Variants in KDR observed in about 807,000 individuals in gnomAD.
The protein encoded by KDR is kinase insert domain receptor.
A neutral mutation model predicts 160.9 loss-of-function variants in KDR; 43 were observed. The ratio of observed to expected loss-of-function variants is 0.27; its 90% CI spans 0.21 to 0.34. The LOEUF (loss-of-function observed/expected upper bound fraction) is 0.34. KDR is among the 10% of genes least tolerant of loss of function. KDR has a pLI of 1.00. For synonymous variants in KDR, 617 were observed against 600.1 expected, an observed-to-expected ratio of 1.03 and a Z score of -0.41; for missense variants, 1,469 against 1,666.4, an observed-to-expected ratio of 0.88 and a Z score of 2.06.
Position 55,110,396 on chromosome 4 carries a change from G to C in KDR, c.1255+7C>G, listed in dbSNP as rs750275388. Reference sequence around the variant, plus strand: ...CTTGGGCAGAGAGGAAAATTGAATGGACTCACCATACACAACCAGAGAGAC... The same window carrying C: ...CTTGGGCAGAGAGGAAAATTGAATGCACTCACCATACACAACCAGAGAGAC... On this transcript the variant is annotated splice_region_variant and intron_variant, in intron 9 of 29. Transcript: ENST00000263923. 6.8e-6 allele frequency: 11 copies of C among 1,613,488 alleles called. No individual in the cohort carries two copies. The highest frequency in any genetic ancestry group is 6.7e-5 in the East Asian group (3 of 44,868).
At chr4:55,122,431 A>G (rs1349293517) in intron 1 of KDR, among the ~76,000 whole-genome samples, 1 of 152,252 alleles carries the variant, frequency 6.6e-6, no homozygotes. Context: ...CTAAACTGGC[A>G]TTGACCTTGC....
At chr4:55,111,162 C>T (rs1560521655) in intron 7 of KDR, among the ~76,000 whole-genome samples, 2 of 152,198 alleles carry the variant, frequency 1.3e-5, no homozygotes, top group African/African-American at 4.8e-5. Context: ...CTCAGACCTC[C>T]TCTTTATTTA....
chr4:55,108,242 G>C (rs1345875036), intron 9 of KDR, among the ~76,000 whole-genome samples: 2 of 149,860 alleles, frequency 1.3e-5, no homozygotes, highest in Non-Finnish European at 3.0e-5. Flanking sequence ...AAATAAAAAT[G>C]ACAATAAGCT....
intron 15 of KDR, among the ~76,000 whole-genome samples, chr4:55,100,566 CAG>C (rs1720283854): frequency 6.6e-6 from 1 of 152,170 alleles, no homozygotes. Context: ...TGCAGAGCAT[CAG>C]AGACAATCTA....
In KDR at chr4:55,079,226, A is replaced by G. The variant is rs935658569; in HGVS notation, c.*715T>C. ...CCTTCCTGGGGCTTGGCCAGGAGAC[A>G]CGTAACGGTCTGGAAGGAACTCTCA... On this transcript the variant is annotated 3_prime_UTR_variant, in exon 30 of 30. Coordinates refer to ENST00000263923, the MANE Select transcript of KDR (RefSeq NM_002253.4). The G allele has an allele frequency of 8.6e-6, 2 of 233,370 alleles. No individual in the cohort carries two copies. The highest frequency in any genetic ancestry group is 4.4e-5 in the African/African-American group (2 of 45,322). 14.5% of individuals were successfully genotyped at this position (233,370 alleles called of 1,614,324 possible).
rs1720405736 is a variant in KDR at position 55,104,936 on chromosome 4, T to C, written c.1694A>G (p.Glu565Gly). ...TGCAGTGCACCACAAAGACACGCTC[T>C]CCTGCTCAGTGGGCTGCATGTCAGG... ...LQPDMQPTEQ[E>G]SVSLWCTADR... Residue 565 changes from glutamate to glycine, a missense_variant, in exon 13 of 30, where the codon GAG becomes GGG. Coordinates refer to ENST00000263923, the MANE Select transcript of KDR (RefSeq NM_002253.4). 4 of 1,613,880 alleles carry C rather than the reference T, an allele frequency of 2.5e-6. No homozygotes were observed. In the East Asian group the frequency reaches 8.9e-5, roughly 36 times the overall value.
chr4:55,125,386 C>T lies in KDR; in HGVS notation c.-93G>A. 6.9e-7 allele frequency: 1 copy of T among 1,442,250 alleles called. No homozygotes were observed. Among genetic ancestry groups the T allele is most frequent in the Non-Finnish European group, 9.5e-7 (1 of 1,058,076 alleles). The allele number at this position is 1,442,250 out of a possible 1,614,324, so 89.3% of individuals were successfully genotyped here. A position where few individuals can be genotyped will look rare whatever the true frequency, so the allele number is the denominator to read the frequency against. Reference sequence around the variant, plus strand: ...GAGAAGGAGGCGCGGAGGTGGAACTCGCGGCACCCCGCAGCGCAGGACAGT... The same window carrying T: ...GAGAAGGAGGCGCGGAGGTGGAACTTGCGGCACCCCGCAGCGCAGGACAGT... On this transcript the variant is annotated 5_prime_UTR_variant, in exon 1 of 30. Coordinates refer to ENST00000263923, the MANE Select transcript of KDR (RefSeq NM_002253.4).
At chr4:55,116,417 CAAAAAAA>C (rs66997115) in intron 3 of KDR, among the ~76,000 whole-genome samples, 4 of 94,748 alleles carry the variant, frequency 4.2e-5, no homozygotes, top group Non-Finnish European at 6.2e-5. Flanking sequence ...AACTCCGTCT[CAAAAAAA>C]AAAAAAAAAA....
Position 55,078,704 on chromosome 4 carries a change from CAAAA to C in KDR, c.*1233_*1236del, listed in dbSNP as rs1052975553. 11 of 232,220 alleles carry C rather than the reference CAAAA, an allele frequency of 4.7e-5. No homozygotes were observed. In the Admixed American group the frequency reaches 5.6e-4, roughly 12 times the overall value. 14.4% of individuals were successfully genotyped at this position (232,220 alleles called of 1,614,324 possible). The stretch of plus-strand genomic sequence containing the variant: ...CAGCATTTCACACTATGGTACCAAA[CAAAA>C]AACACATTTTCTTTTTTGAAAAAAA... On this transcript the variant is annotated 3_prime_UTR_variant, in exon 30 of 30. Coordinates refer to ENST00000263923, the MANE Select transcript of KDR (RefSeq NM_002253.4).
At position 55,097,683 on chromosome 4, in the gene KDR, C is replaced by T; in HGVS notation, c.2593G>A (p.Val865Ile). The T allele has an allele frequency of 6.2e-7, 1 of 1,612,938 alleles. No individual in the cohort carries two copies. The highest frequency in any genetic ancestry group is 8.5e-7 in the Non-Finnish European group (1 of 1,179,170). Residue 865 changes from valine to isoleucine, a missense_variant, in exon 18 of 30, where the codon GTA becomes ATA. By Grantham distance (29) the Val-to-Ile change is conservative (BLOSUM62 3). This residue lies in a region of KDR where 151 missense variants were observed against 207.2 expected (regional missense o/e 0.73). Transcript: ENST00000263923. ...TTACCTTTCAACATTTTGACTGCTACTGTCCTGCAAGTTGCTGTCTTGTCA... is the reference window on the plus strand; with the variant it reads ...TTACCTTTCAACATTTTGACTGCTATTGTCCTGCAAGTTGCTGTCTTGTCA... ...GIDKTATCRT[V>I]AVKMLKEGAT...
chr4:55,107,641 G>C, intron 10 of KDR, 96 bp downstream of exon 10: 1 of 1,518,374 alleles, frequency 6.6e-7, no homozygotes, highest in Non-Finnish European at 9.1e-7. Context: ...AACTTTTTTT[G>C]GTTTAGGCTT....
chr4:55,119,133 C>T (rs775875011), intron 2 of KDR, among the ~76,000 whole-genome samples: 14 of 151,828 alleles, frequency 9.2e-5, no homozygotes, highest in East Asian at 5.8e-4. Flanking sequence ...TGCTTGAACC[C>T]GGGAGGTGGA....
At chr4:55,106,659 T>C (rs376861514) in intron 11 of KDR, 28 bp downstream of exon 11, 95 of 1,469,840 alleles carry the variant, frequency 6.5e-5, no homozygotes, top group Non-Finnish European at 8.6e-5. Flanking sequence ...GAGAGAGAGA[T>C]TTTCAAATTT....
At chr4:55,110,355 A>G in intron 9 of KDR, 48 bp downstream of exon 9, 3 of 1,583,670 alleles carry the variant, frequency 1.9e-6, no homozygotes, top group East Asian at 2.2e-5. Flanking sequence ...TTGGAAGACA[A>G]TGTATCATAA....
rs759901011 is a variant in KDR at position 55,113,305 on chromosome 4, A to G, written c.975T>C (p.His325=). The G allele has an allele frequency of 3.7e-6, 6 of 1,613,854 alleles. No individual in the cohort carries two copies. Among genetic ancestry groups the G allele is most frequent in the East Asian group, 4.5e-5 (2 of 44,878 alleles). The change falls in exon 7 of 30, where the codon CAT becomes CAC. Residue 325 remains histidine, a splice_region_variant and synonymous_variant. Transcript: ENST00000263923. ...ATAATTTCCAAGACCATAGCTTACC[A>G]TGGACCCTGACAAATGTGCTGTTCT... ...TKKNSTFVRV[H]EKPFVAFGSG...
intron 28 of KDR, 32 bp downstream of exon 28, chr4:55,082,504 T>C: frequency 2.1e-6 from 3 of 1,456,682 alleles, no homozygotes; most frequent in Non-Finnish European, 2.9e-6. Flanking sequence ...CTTTGTATTA[T>C]TTCTAAGACT....
In KDR at chr4:55,104,758, A is replaced by T; in HGVS notation, c.1872T>A (p.Ile624=). Residue 624 remains isoleucine, a synonymous_variant, in exon 13 of 30, where the codon ATT becomes ATA. Transcript: ENST00000263923. ...ATMFSNSTND[I]LIMELKNASL... is the part of the protein sequence containing the mutation. ...ATGCATTCTTAAGCTCCATGATCAA[A>T]ATGTCATTTGTGCTATTAGAGAACA... 1 of 1,613,950 alleles carries T rather than the reference A, an allele frequency of 6.2e-7. No homozygotes were observed. Among genetic ancestry groups the T allele is most frequent in the Non-Finnish European group, 8.5e-7 (1 of 1,179,874 alleles).
chr4:55,125,462 T>G lies in KDR; in HGVS notation c.-169A>C. 1 of 740,168 alleles carries G rather than the reference T, an allele frequency of 1.4e-6. No individual in the cohort carries two copies. The allele number at this position is 740,168 out of a possible 1,614,324, so 45.9% of individuals were successfully genotyped here. A position where few individuals can be genotyped will look rare whatever the true frequency, so the allele number is the denominator to read the frequency against. On this transcript the variant is annotated 5_prime_UTR_variant, in exon 1 of 30. Transcript: ENST00000263923. Reference sequence around the variant, plus strand: ...GGCGCCGACCGCGGCTGCAGGGGCGTCTGCGGGTGCCGGTAGGAGAGGATA... The same window carrying G: ...GGCGCCGACCGCGGCTGCAGGGGCGGCTGCGGGTGCCGGTAGGAGAGGATA...
chr4:55,108,571 C>G (rs915131876), intron 9 of KDR, among the ~76,000 whole-genome samples: 2 of 152,162 alleles, frequency 1.3e-5, no homozygotes, highest in Admixed American at 6.5e-5. Context: ...AAACCTGGAA[C>G]AAACCTAGAC....
Sources: allele counts gnomAD v4.1 joint callset (sites outside exome capture counted in the v4.1 genomes callset), GRCh38; gene constraint gnomAD v4.1.1; regional missense constraint gnomAD v4.1.1; transcripts MANE v1.5; gene names NCBI Gene and HGNC (gene_info 2026-07-23, HGNC 2026-07-21).